Variants in DNAJC13 observed in about 807,000 individuals in gnomAD.
DNAJC13 encodes the protein dnaJ homolog subfamily C member 13.
DNAJC13 carries 75 observed loss-of-function variants against 290.5 expected under a neutral mutation model. The observed-to-expected ratio is 0.26, with a 90% CI of 0.21 to 0.31. The LOEUF (loss-of-function observed/expected upper bound fraction) is 0.31. Among genes scored for constraint, DNAJC13 ranks in the 10% least tolerant of loss-of-function variants. The probability of loss-of-function intolerance (pLI) is 1.00; values close to 1 mark genes in which losing one functional copy is unlikely to be tolerated. For missense variants in DNAJC13, 2,260 were observed against 2,674.5 expected (o/e 0.85, Z 3.42); for synonymous variants, 862 against 892.0 (o/e 0.97, Z 0.60).
rs117948164 is a variant in DNAJC13 at position 132,504,952 on chromosome 3, G to T, written c.4885-350G>T. 4.6e-5 allele frequency among the ~76,000 whole-genome samples: 7 copies of T among 152,258 alleles called. No homozygotes were observed. In the East Asian group the frequency reaches 1.3e-3, roughly 29 times the overall value. On this transcript the variant is annotated intron_variant, in intron 41 of 55. Transcript: ENST00000260818. ...GGTATTATGTTGTGATTCTTTTCAA[G>T]CTTATAGTCACAGTGTGTTTATTAA...
chr3:132,469,461 G>T (rs942937248), intron 20 of DNAJC13, among the ~76,000 whole-genome samples: 1 of 152,178 alleles, frequency 6.6e-6, no homozygotes, highest in African/African-American at 2.4e-5. Flanking sequence ...GATTTGTTTA[G>T]CTAGTTAGAG....
chr3:132,533,681 A>G (rs542774986), intron 55 of DNAJC13, among the ~76,000 whole-genome samples: 1 of 152,240 alleles, frequency 6.6e-6, no homozygotes, highest in South Asian at 2.1e-4. Context: ...CTAAGAGTAA[A>G]TTGGCCCTGA....
chr3:132,507,325 A>T lies in DNAJC13; in HGVS notation c.5087A>T (p.Tyr1696Phe). Reference protein sequence around the residue: ...LIVGEIFVRVYNEVPTFQLEV... With the variant: ...LIVGEIFVRVFNEVPTFQLEV... ...GTAGGGGAGATTTTTGTTAGGGTGT[A>T]TAATGAAGTTCCTACTTTCCAACTG... The change falls in exon 43 of 56, where the codon TAT (tyrosine) becomes TTT (phenylalanine). Residue 1696 changes from tyrosine (Y) to phenylalanine (F), a missense_variant. Transcript: ENST00000260818. 1 of 1,609,852 alleles carries T rather than the reference A, an allele frequency of 6.2e-7. No homozygotes were observed. Among genetic ancestry groups the T allele is most frequent in the Non-Finnish European group, 8.5e-7 (1 of 1,176,252 alleles).
chr3:132,423,604 A>G (rs1172889930), intron 1 of DNAJC13, among the ~76,000 whole-genome samples: 1 of 152,224 alleles, frequency 6.6e-6, no homozygotes, highest in Non-Finnish European at 1.5e-5. Context: ...CTTTTTTAAG[A>G]TAATTTGGTA....
chr3:132,538,331 AT>A lies in DNAJC13; in HGVS notation c.*51del. 1 of 1,476,438 alleles carries A rather than the reference AT, an allele frequency of 6.8e-7. No individual in the cohort carries two copies. 91.5% of individuals were successfully genotyped at this position (1,476,438 alleles called of 1,614,324 possible). ...GCTGAAAGGCCAGTGCCAAGTCCAC[AT>A]TCCTCCAGCTGATACGTTGAAGCAA... On this transcript the variant is annotated 3_prime_UTR_variant, in exon 56 of 56. Coordinates refer to ENST00000260818, the MANE Select transcript of DNAJC13 (RefSeq NM_015268.4).
At chr3:132,451,003 A>G (rs960188206) in intron 6 of DNAJC13, among the ~76,000 whole-genome samples, 156 bp downstream of exon 6, 2 of 152,204 alleles carry the variant, frequency 1.3e-5, no homozygotes, top group Non-Finnish European at 2.9e-5. Context: ...CTGAGCTTGA[A>G]TCCCAGTTTG....
chr3:132,487,153 T>C (rs1200754218), intron 29 of DNAJC13, among the ~76,000 whole-genome samples: 1 of 152,194 alleles, frequency 6.6e-6, no homozygotes, highest in African/African-American at 2.4e-5. Flanking sequence ...ATTTAAGTTA[T>C]TTACTTAAAA....
chr3:132,527,049 TAA>T (rs1311600863), intron 53 of DNAJC13, among the ~76,000 whole-genome samples: 2 of 152,220 alleles, frequency 1.3e-5, no homozygotes, highest in East Asian at 3.8e-4. Context: ...TGACTATAGC[TAA>T]TAATACATTG....
chr3:132,439,197 T>C (rs568879941), intron 2 of DNAJC13, among the ~76,000 whole-genome samples: 1 of 152,326 alleles, frequency 6.6e-6, no homozygotes, highest in Admixed American at 6.5e-5. Flanking sequence ...CATTAGGATA[T>C]GTAATGATCA....
chr3:132,499,343 C>A, intron 37 of DNAJC13, 33 bp downstream of exon 37: 1 of 1,518,094 alleles, frequency 6.6e-7, no homozygotes, highest in Non-Finnish European at 8.9e-7. Flanking sequence ...CTTTTTAAGC[C>A]AGTTTACACA....
intron 29 of DNAJC13, among the ~76,000 whole-genome samples, chr3:132,486,713 G>A (rs760517716): frequency 1.3e-5 from 2 of 152,056 alleles, no homozygotes; most frequent in African/African-American, 4.8e-5. Context: ...GTAGTTTCTG[G>A]GAATGTTATC....
Position 132,465,571 on chromosome 3 carries a change from G to T in DNAJC13, c.1893-424G>T, listed in dbSNP as rs369310515. On this transcript the variant is annotated intron_variant, in intron 17 of 55. Transcript: ENST00000260818. ...TTTTCTCTCTGATCTTGCCAAAACG[G>T]TTATATTAGAACAGTTGTTGACTTC... Among the ~76,000 whole-genome samples the T allele has an allele frequency of 9.1e-4, 139 of 152,178 alleles. No homozygotes were observed. In the East Asian group the frequency reaches 0.011, roughly 12 times the overall value.
intron 20 of DNAJC13, among the ~76,000 whole-genome samples, chr3:132,469,491 A>C (rs1934110943): frequency 6.6e-6 from 1 of 152,172 alleles, no homozygotes. Flanking sequence ...TGAGTCTCCA[A>C]TTCAGTCACT....
chr3:132,462,508 G>A lies in DNAJC13; in HGVS notation c.1755G>A (p.Met585Ile). ...MAIIKGAGLVMKAIIEEGDKE... is the reference protein window; with the variant it reads ...MAIIKGAGLVIKAIIEEGDKE... ...TAATAAAAGGAGCTGGGTTGGTTAT[G>A]AAGGCAATAATAGAGGTGAGAGAAC... is the stretch of plus-strand genomic sequence containing the variant. Residue 585 changes from methionine (M) to isoleucine (I), a missense_variant, in exon 16 of 56, where the codon ATG becomes ATA. Physicochemically the swap from Met to Ile is conservative, Grantham distance 10. Transcript: ENST00000260818. The A allele has an allele frequency of 1.2e-6, 2 of 1,609,906 alleles. No homozygotes were observed. Among genetic ancestry groups the A allele is most frequent in the Non-Finnish European group, 1.7e-6 (2 of 1,178,422 alleles).
intron 20 of DNAJC13, among the ~76,000 whole-genome samples, chr3:132,471,811 A>G (rs1293002736): frequency 2.1e-5 from 3 of 145,128 alleles, no homozygotes; most frequent in East Asian, 4.1e-4. Flanking sequence ...ATGGGCGGCC[A>G]GGCAGAGACG....
chr3:132,440,480 A>G (rs1933026144), intron 2 of DNAJC13, among the ~76,000 whole-genome samples: 1 of 152,256 alleles, frequency 6.6e-6, no homozygotes, highest in Non-Finnish European at 1.5e-5. Context: ...AAGTAGATAT[A>G]CAGTCATGTA....
chr3:132,473,065 C>A, intron 20 of DNAJC13, 80 bp from the exon 21 acceptor site: 2 of 864,340 alleles, frequency 2.3e-6, no homozygotes, highest in South Asian at 1.7e-5. Flanking sequence ...TGTTTCTCAT[C>A]ACGTATAAAT....
In DNAJC13 at chr3:132,494,795, A is replaced by G. The variant is rs1326768689; in HGVS notation, c.3942-293A>G. On this transcript the variant is annotated intron_variant, in intron 34 of 55. Transcript: ENST00000260818. Reference sequence around the variant, plus strand: ...AGAATTTGAAATTGTCATTTTGGACATTTTGACAAGTTAGTGGATTTTTAA... The same window carrying G: ...AGAATTTGAAATTGTCATTTTGGACGTTTTGACAAGTTAGTGGATTTTTAA... 2.6e-5 allele frequency among the ~76,000 whole-genome samples: 4 copies of G among 152,166 alleles called. No homozygotes were observed. The South Asian group carries it at 8.3e-4, about 31-fold the overall frequency.
chr3:132,511,662 G>A (rs1489489755), intron 44 of DNAJC13, among the ~76,000 whole-genome samples: 1 of 152,086 alleles, frequency 6.6e-6, no homozygotes, highest in African/African-American at 2.4e-5. Context: ...AAAATTGCCT[G>A]AAGTTTTTGG....
Sources: allele counts gnomAD v4.1 joint callset (sites outside exome capture counted in the v4.1 genomes callset), GRCh38; gene constraint gnomAD v4.1.1; transcripts MANE v1.5; gene names NCBI Gene and HGNC (gene_info 2026-07-23, HGNC 2026-07-21).